Variants in KLF15 observed in about 807,000 individuals in gnomAD.
KLF15 encodes the protein KLF transcription factor 15.
KLF15 carries 4 observed loss-of-function variants against 24.6 expected under a neutral mutation model. That is an observed-to-expected ratio of 0.16 (90% confidence interval 0.08 to 0.37). The LOEUF (loss-of-function observed/expected upper bound fraction) is 0.37, where lower values mean the gene tolerates loss of function less well. KLF15 is among the 10% of genes least tolerant of loss of function. The pLI is 1.00. For missense variants in KLF15, 496 were observed against 560.6 expected, an observed-to-expected ratio of 0.88 and a Z score of 1.16; for synonymous variants, 246 against 236.3, an observed-to-expected ratio of 1.04 and a Z score of -0.37.
the KLF15 span, among the ~76,000 whole-genome samples, chr3:126,320,534 A>T: frequency 3.3e-5 from 5 of 152,178 alleles, no homozygotes; most frequent in Non-Finnish European, 7.3e-5. Context: ...TTTCCTGTGC[A>T]CATGTGTTTG....
At chr3:126,303,666 A>G in the KLF15 span, among the ~76,000 whole-genome samples, 4 of 150,976 alleles carry the variant, frequency 2.6e-5, no homozygotes, top group Non-Finnish European at 5.9e-5. Context: ...GCATCTGTAG[A>G]TTAATTGTTT....
At chr3:126,331,151 G>C in the KLF15 span, among the ~76,000 whole-genome samples, 1 of 152,158 alleles carries the variant, frequency 6.6e-6, no homozygotes, top group Non-Finnish European at 1.5e-5. Context: ...AAACTAGAGA[G>C]TCACCAGCCC....
the KLF15 span, among the ~76,000 whole-genome samples, chr3:126,327,995 T>C: frequency 8.5e-5 from 13 of 152,166 alleles, no homozygotes; most frequent in Admixed American, 8.5e-4. Flanking sequence ...GTAAGTTCTT[T>C]AGTGGTGATT....
the KLF15 span, among the ~76,000 whole-genome samples, chr3:126,328,280 G>A: frequency 6.6e-6 from 1 of 152,102 alleles, no homozygotes; most frequent in East Asian, 1.9e-4. Flanking sequence ...TTATGGCTGA[G>A]TAGTATTCCA....
At chr3:126,346,992 C>A (rs77198521) in intron 2 of KLF15, among the ~76,000 whole-genome samples, 1 of 152,086 alleles carries the variant, frequency 6.6e-6, no homozygotes, top group South Asian at 2.1e-4. Context: ...CTGCTTAGCA[C>A]GTGGCAATTA....
rs1163391003 is a variant in KLF15 at position 126,343,684 on chromosome 3, G to C, written c.*43C>G. The C allele has an allele frequency of 1.3e-6, 2 of 1,565,400 alleles. No individual in the cohort carries two copies. The highest frequency in any genetic ancestry group is 2.8e-5 in the African/African-American group (2 of 72,092). ...TATTGCTTAAAAAAATGGGGATGGG[G>C]TGGGGATCCGGGGTGACGGACAGGC... On this transcript the variant is annotated 3_prime_UTR_variant, in exon 3 of 3. Coordinates refer to ENST00000296233, the MANE Select transcript of KLF15 (RefSeq NM_014079.4).
the KLF15 span, among the ~76,000 whole-genome samples, chr3:126,304,028 T>C: frequency 2.6e-5 from 4 of 152,242 alleles, no homozygotes; most frequent in Admixed American, 2.6e-4. Context: ...CTGATAATTC[T>C]AACATCTGTG....
chr3:126,300,395 G>A, the KLF15 span, among the ~76,000 whole-genome samples: 3 of 152,210 alleles, frequency 2.0e-5, no homozygotes, highest in African/African-American at 7.2e-5. Flanking sequence ...TCCTCCCAGC[G>A]GAGACAGGTC....
At chr3:126,327,061 G>A in the KLF15 span, among the ~76,000 whole-genome samples, 11 of 152,226 alleles carry the variant, frequency 7.2e-5, no homozygotes, top group East Asian at 1.4e-3. Flanking sequence ...AGGCTTGAAC[G>A]GGCTTTCTCC....
chr3:126,307,304 G>T, the KLF15 span, among the ~76,000 whole-genome samples: 1 of 152,272 alleles, frequency 6.6e-6, no homozygotes, highest in African/African-American at 2.4e-5. Context: ...GCCCTGCCCA[G>T]CCTCCAGCAT....
chr3:126,331,356 A>T, the KLF15 span, among the ~76,000 whole-genome samples: 1 of 152,162 alleles, frequency 6.6e-6, no homozygotes, highest in Non-Finnish European at 1.5e-5. Flanking sequence ...AACCACTACA[A>T]TTTCAGATTG....
At chr3:126,353,144 T>A (rs897435290) in intron 1 of KLF15, among the ~76,000 whole-genome samples, 197 bp from the exon 2 acceptor site, 1 of 152,136 alleles carries the variant, frequency 6.6e-6, no homozygotes, top group South Asian at 2.1e-4. Context: ...AAAAGAGACC[T>A]CTCCAAGCCC....
Position 126,352,592 on chromosome 3 carries a change from C to T in KLF15, c.331G>A (p.Ala111Thr). Residue 111 changes from alanine (A) to threonine (T), a missense_variant, in exon 2 of 3, where the codon GCA becomes ACA. By Grantham distance (58) the Ala-to-Thr change is moderately conservative (BLOSUM62 0). Transcript: ENST00000296233. ...TGCTCCCCCTTCACAGGGGCCGCTG[C>T]CCTTCGCCAGGGCCCCCAGGCCACG... is the stretch of plus-strand genomic sequence containing the variant. ...GPVAWGPWRR[A>T]AAPVKGEHFC... 6.2e-7 allele frequency: 1 copy of T among 1,611,818 alleles called. No homozygotes were observed.
At chr3:126,320,339 C>T in the KLF15 span, among the ~76,000 whole-genome samples, 3 of 152,314 alleles carry the variant, frequency 2.0e-5, no homozygotes, top group East Asian at 3.9e-4. Context: ...CACAACATGC[C>T]AGCCCAACAA....
Position 126,352,210 on chromosome 3 carries a change from G to T in KLF15, c.713C>A (p.Ser238Tyr), listed in dbSNP as rs745661920. The change falls in exon 2 of 3, where the codon TCC (serine) becomes TAC (tyrosine). Residue 238 changes from serine to tyrosine, a missense_variant. Ser to Tyr is a moderately radical substitution (Grantham distance 144, BLOSUM62 -2). This residue lies in a region of KLF15 where 399 missense variants were observed against 423.1 expected (regional missense o/e 0.94). Transcript: ENST00000296233. ...VKQESGTGPA[S>Y]PGQAPENVKV... is the part of the protein sequence containing the mutation. ...GACATTCTCTGGGGCTTGCCCAGGG[G>T]AGGCAGGCCCTGTGCCCGATTCCTG... 1 of 1,547,820 alleles carries T rather than the reference G, an allele frequency of 6.5e-7. No homozygotes were observed. Among genetic ancestry groups the T allele is most frequent in the Non-Finnish European group, 8.7e-7 (1 of 1,149,876 alleles).
chr3:126,351,723 T>G, intron 2 of KLF15, 118 bp downstream of exon 2: 24 of 380,498 alleles, frequency 6.3e-5, no homozygotes, highest in Non-Finnish European at 1.0e-4. Context: ...CGCCTGCCCC[T>G]CCCTCCCCTC....
At chr3:126,313,033 A>G in the KLF15 span, among the ~76,000 whole-genome samples, 2 of 152,212 alleles carry the variant, frequency 1.3e-5, no homozygotes, top group Admixed American at 6.5e-5. Flanking sequence ...CCTAACCCCC[A>G]GAACCTCAGA....
chr3:126,343,461 G>GAAGGCAC lies in KLF15; in HGVS notation c.*265_*266insGTGCCTT. 1 of 426,196 alleles carries GAAGGCAC rather than the reference G, an allele frequency of 2.3e-6. No homozygotes were observed. The highest frequency in any genetic ancestry group is 4.9e-5 in the East Asian group (1 of 20,266). 26.4% of individuals were successfully genotyped at this position (426,196 alleles called of 1,614,324 possible). On this transcript the variant is annotated 3_prime_UTR_variant, in exon 3 of 3. Transcript: ENST00000296233. ...CTGCAGCAGAGGCCTGGCCACCGCG[G>GAAGGCAC]GAAGGCACGAAGGCACGAAGGCACG...
At chr3:126,332,041 A>G in the KLF15 span, among the ~76,000 whole-genome samples, 6 of 152,340 alleles carry the variant, frequency 3.9e-5, no homozygotes, top group African/African-American at 7.2e-5. Context: ...CAAAGCAGCC[A>G]GGAAGCTCGA....
Sources: allele counts gnomAD v4.1 joint callset (sites outside exome capture counted in the v4.1 genomes callset), GRCh38; gene constraint gnomAD v4.1.1; regional missense constraint gnomAD v4.1.1; transcripts MANE v1.5; gene names NCBI Gene and HGNC (gene_info 2026-07-23, HGNC 2026-07-21).